Variants in H1-4 observed in about 807,000 individuals in gnomAD.
H1-4 encodes the protein H1.4 linker histone, cluster member.
In H1-4, 9 loss-of-function variants were observed where a neutral mutation model predicts 7.2. The ratio of observed to expected loss-of-function variants is 1.25; its 90% confidence interval spans 0.75 to 2.18. The LOEUF (loss-of-function observed/expected upper bound fraction) is 2.18. Among genes scored for constraint, H1-4 ranks in the 30% most tolerant of loss-of-function variants. H1-4 has a pLI of 0.00. For missense variants in H1-4, 646 were observed against 287.9 expected (o/e 2.24, Z -9.00); for synonymous variants, 318 against 126.6 (o/e 2.51, Z -10.15).
rs1030953348 is a variant in H1-4 at position 26,156,422 on chromosome 6, C to T, written c.32C>T (p.Ala11Val). Residue 11 changes from alanine to valine, a missense_variant, in exon 1 of 1, where the codon GCT (alanine) becomes GTT (valine). By Grantham distance (64) the Ala-to-Val change is moderately conservative. Transcript: ENST00000304218. MSETAPAAPA[A>V]PAPAEKTPVK... The stretch of plus-strand genomic sequence containing the variant: ...GAGACTGCGCCTGCCGCGCCCGCTG[C>T]TCCGGCCCCTGCCGAGAAGACTCCC... 28 of 1,599,976 alleles carry T rather than the reference C, an allele frequency of 1.8e-5. No individual in the cohort carries two copies. Among genetic ancestry groups the T allele is most frequent in the Middle Eastern group, 1.7e-4 (1 of 5,908 alleles).
rs1295202791 is a variant in H1-4, at chr6:26,156,438, G to T, written c.48G>T (p.Glu16Asp). The T allele has an allele frequency of 6.2e-7, 1 of 1,608,686 alleles. No homozygotes were observed. Among genetic ancestry groups the T allele is most frequent in the East Asian group, 2.2e-5 (1 of 44,790 alleles). ...CGCCCGCTGCTCCGGCCCCTGCCGA[G>T]AAGACTCCCGTGAAGAAGAAGGCCC... ...PAAPAAPAPA[E>D]KTPVKKKARK... The change falls in exon 1 of 1, where the codon GAG becomes GAT. Residue 16 changes from glutamate (E) to aspartate (D), a missense_variant. By Grantham distance (45) the Glu-to-Asp change is conservative. Coordinates refer to ENST00000304218, the MANE Select transcript of H1-4 (RefSeq NM_005321.3).
rs369813599 is a variant in H1-4 at position 26,156,656 on chromosome 6, G to C, written c.266G>C (p.Ser89Thr). 1.9e-6 allele frequency: 3 copies of C among 1,614,256 alleles called. No homozygotes were observed. Among genetic ancestry groups the C allele is most frequent in the East Asian group, 4.5e-5 (2 of 44,876 alleles). ...AAGCTGGGTCTCAAGAGCCTGGTGA[G>C]CAAGGGCACCCTGGTGCAGACCAAG... Reference protein sequence around the residue: ...RIKLGLKSLVSKGTLVQTKGT... With the variant: ...RIKLGLKSLVTKGTLVQTKGT... Residue 89 changes from serine to threonine, a missense_variant, in exon 1 of 1, where the codon AGC becomes ACC. Coordinates refer to ENST00000304218, the MANE Select transcript of H1-4 (RefSeq NM_005321.3).
Position 26,156,737 on chromosome 6 carries a change from C to G in H1-4, c.347C>G (p.Ala116Gly), listed in dbSNP as rs537340027. Reference protein sequence around the residue: ...KLNKKAASGEAKPKAKKAGAA... With the variant: ...KLNKKAASGEGKPKAKKAGAA... ...AACAAGAAGGCGGCCTCTGGGGAAG[C>G]CAAGCCTAAGGCTAAAAAGGCAGGC... The change falls in exon 1 of 1, where the codon GCC (alanine) becomes GGC (glycine). Residue 116 changes from alanine to glycine, a missense_variant. By Grantham distance (60) the Ala-to-Gly change is moderately conservative. Transcript: ENST00000304218. 1.9e-6 allele frequency: 3 copies of G among 1,614,008 alleles called. No homozygotes were observed. Among genetic ancestry groups the G allele is most frequent in the African/African-American group, 1.3e-5 (1 of 75,014 alleles).
rs1389478695 is a variant in H1-4 at position 26,156,547 on chromosome 6, G to C, written c.157G>C (p.Glu53Gln). The C allele has an allele frequency of 1.2e-6, 2 of 1,614,012 alleles. No homozygotes were observed. Among genetic ancestry groups the C allele is most frequent in the Non-Finnish European group, 1.7e-6 (2 of 1,180,012 alleles). The change falls in exon 1 of 1, where the codon GAG (glutamate) becomes CAG (glutamine). Residue 53 changes from glutamate to glutamine, a missense_variant. Transcript: ENST00000304218. The stretch of plus-strand genomic sequence containing the variant: ...TACTAAAGCTGTTGCCGCCTCCAAG[G>C]AGCGCAGCGGCGTATCTTTGGCCGC... Reference protein sequence around the residue: ...LITKAVAASKERSGVSLAALK... With the variant: ...LITKAVAASKQRSGVSLAALK...
Position 26,157,067 on chromosome 6 carries a change from A to G in H1-4, c.*17A>G, listed in dbSNP as rs367955399. 6.3e-7 allele frequency: 1 copy of G among 1,576,086 alleles called. No homozygotes were observed. Among genetic ancestry groups the G allele is most frequent in the Non-Finnish European group, 8.5e-7 (1 of 1,169,994 alleles). ...AAAAAGTAGAAAGTTCCTTTGGCCA[A>G]CTGCTTAGAAGCCCAACACAACCCA... On this transcript the variant is annotated 3_prime_UTR_variant, in exon 1 of 1. Coordinates refer to ENST00000304218, the MANE Select transcript of H1-4 (RefSeq NM_005321.3).
Position 26,156,504 on chromosome 6 carries a change from C to T in H1-4, c.114C>T (p.Pro38=), listed in dbSNP as rs200323601. 5.6e-5 allele frequency: 90 copies of T among 1,613,680 alleles called. No homozygotes were observed. The highest frequency in any genetic ancestry group is 7.7e-5 in the South Asian group (7 of 91,084). ...CGGCCAAGCGCAAAGCGTCTGGGCC[C>T]CCGGTGTCCGAGCTCATTACTAAAG... ...AGAAKRKASG[P]PVSELITKAV... is the part of the protein sequence containing the mutation. Residue 38 remains proline, a synonymous_variant, in exon 1 of 1, where the codon CCC becomes CCT. Transcript: ENST00000304218.
chr6:26,156,908 C>T lies in H1-4; in HGVS notation c.518C>T (p.Pro173Leu), dbSNP rs545499106. ...GCTGGAGCCAAAAAAGCGAAAAGCC[C>T]GAAAAAGGCGAAAGCAGCCAAGCCA... ...AAAGAKKAKS[P>L]KKAKAAKPKK... The change falls in exon 1 of 1, where the codon CCG becomes CTG. Residue 173 changes from proline (P) to leucine (L), a missense_variant. Physicochemically the swap from Pro to Leu is moderately conservative, Grantham distance 98 (BLOSUM62 -3). Transcript: ENST00000304218. The T allele has an allele frequency of 6.7e-5, 108 of 1,609,580 alleles. 1 individual carries two copies. The South Asian group carries it at 1.1e-3, about 16-fold the overall frequency.
rs750493363 is a variant in H1-4 at position 26,156,447 on chromosome 6, C to A, written c.57C>A (p.Pro19=). 4.3e-6 allele frequency: 7 copies of A among 1,611,044 alleles called. No homozygotes were observed. In the African/African-American group the frequency reaches 6.7e-5, roughly 15 times the overall value. Residue 19 remains proline (P), a synonymous_variant, in exon 1 of 1, where the codon CCC becomes CCA. Coordinates refer to ENST00000304218, the MANE Select transcript of H1-4 (RefSeq NM_005321.3). ...CTCCGGCCCCTGCCGAGAAGACTCC[C>A]GTGAAGAAGAAGGCCCGCAAGTCTG... The part of the protein sequence containing the change: ...PAAPAPAEKT[P]VKKKARKSAG...
rs760926022 is a variant in H1-4, at chr6:26,156,351, C to T, written c.-40C>T. The stretch of plus-strand genomic sequence containing the variant: ...GCTCGAGTCCCGGCCAGTGCCTCTG[C>T]TTCCGGCTCGAATTGCTCTCGCTCA... On this transcript the variant is annotated 5_prime_UTR_variant, in exon 1 of 1. Transcript: ENST00000304218. The T allele has an allele frequency of 7.9e-6, 12 of 1,511,182 alleles. No individual in the cohort carries two copies. Among genetic ancestry groups the T allele is most frequent in the Admixed American group, 2.1e-5 (1 of 46,536 alleles). The allele number at this position is 1,511,182 out of a possible 1,614,324, so 93.6% of individuals were successfully genotyped here.
Position 26,156,744 on chromosome 6 carries a change from TAAGGCTAAA to T in H1-4, c.360_368del (p.Lys121_Ala123del). On this transcript the variant is annotated inframe_deletion, in exon 1 of 1. Transcript: ENST00000304218. ...AGGCGGCCTCTGGGGAAGCCAAGCC[TAAGGCTAAA>T]AAGGCAGGCGCGGCCAAGGCCAAGA... 6.2e-7 allele frequency: 1 copy of T among 1,613,670 alleles called. No homozygotes were observed. The highest frequency in any genetic ancestry group is 8.5e-7 in the Non-Finnish European group (1 of 1,179,874).
At position 26,157,060 on chromosome 6, in the gene H1-4, T is replaced by C. The variant is rs1346279726; in HGVS notation, c.*10T>C. ...AGCCAAGAAAAAGTAGAAAGTTCCTTTGGCCAACTGCTTAGAAGCCCAACA... is the reference window on the plus strand; with the variant it reads ...AGCCAAGAAAAAGTAGAAAGTTCCTCTGGCCAACTGCTTAGAAGCCCAACA... On this transcript the variant is annotated 3_prime_UTR_variant, in exon 1 of 1. Coordinates refer to ENST00000304218, the MANE Select transcript of H1-4 (RefSeq NM_005321.3). The C allele has an allele frequency of 1.9e-6, 3 of 1,578,256 alleles. No individual in the cohort carries two copies. Among genetic ancestry groups the C allele is most frequent in the East Asian group, 2.2e-5 (1 of 44,788 alleles).
In H1-4 at chr6:26,156,547, G is replaced by A. The variant is rs1389478695; in HGVS notation, c.157G>A (p.Glu53Lys). The A allele has an allele frequency of 1.2e-6, 2 of 1,614,130 alleles. No individual in the cohort carries two copies. Among genetic ancestry groups the A allele is most frequent in the Non-Finnish European group, 1.7e-6 (2 of 1,180,004 alleles). ...TACTAAAGCTGTTGCCGCCTCCAAG[G>A]AGCGCAGCGGCGTATCTTTGGCCGC... ...LITKAVAASK[E>K]RSGVSLAALK... Residue 53 changes from glutamate (E) to lysine (K), a missense_variant, in exon 1 of 1, where the codon GAG (glutamate) becomes AAG (lysine). Glu to Lys is a moderately conservative substitution (Grantham distance 56). Coordinates refer to ENST00000304218, the MANE Select transcript of H1-4 (RefSeq NM_005321.3).
Position 26,157,012 on chromosome 6 carries a change from G to A in H1-4, c.622G>A (p.Ala208Thr), listed in dbSNP as rs1411345078. The A allele has an allele frequency of 3.8e-6, 6 of 1,590,896 alleles. No individual in the cohort carries two copies. The highest frequency in any genetic ancestry group is 1.2e-5 in the South Asian group (1 of 86,868). ...TAAACCAAAGACCGCCAAGCCCAAG[G>A]CAGCCAAGCCAAAGAAGGCGGCAGC... ...AAKPKTAKPK[A>T]AKPKKAAAKK... Residue 208 changes from alanine (A) to threonine (T), a missense_variant, in exon 1 of 1, where the codon GCA (alanine) becomes ACA (threonine). Transcript: ENST00000304218.
chr6:26,156,411 C>CGCGCCCGCT lies in H1-4; in HGVS notation c.24_32dup (p.Ala11_Ala13dup). The CGCGCCCGCT allele has an allele frequency of 6.3e-7, 1 of 1,589,126 alleles. No homozygotes were observed. Among genetic ancestry groups the CGCGCCCGCT allele is most frequent in the Non-Finnish European group, 8.6e-7 (1 of 1,167,346 alleles). The stretch of plus-strand genomic sequence containing the variant: ...TCAACATGTCCGAGACTGCGCCTGC[C>CGCGCCCGCT]GCGCCCGCTGCTCCGGCCCCTGCCG... On this transcript the variant is annotated inframe_insertion, in exon 1 of 1. Transcript: ENST00000304218.
At position 26,156,796 on chromosome 6, in the gene H1-4, A is replaced by C. The variant is rs755564059; in HGVS notation, c.406A>C (p.Lys136Gln). 15 of 1,610,392 alleles carry C rather than the reference A, an allele frequency of 9.3e-6. No homozygotes were observed. The highest frequency in any genetic ancestry group is 1.3e-5 in the Non-Finnish European group (15 of 1,178,354). The change falls in exon 1 of 1, where the codon AAG becomes CAG. Residue 136 changes from lysine (K) to glutamine (Q), a missense_variant. Coordinates refer to ENST00000304218, the MANE Select transcript of H1-4 (RefSeq NM_005321.3). ...GGCCAAGAAGCCAGCAGGAGCGGCG[A>C]AGAAGCCCAAGAAGGCGACGGGGGC... ...AKAKKPAGAA[K>Q]KPKKATGAAT...
In H1-4 at chr6:26,156,447, C is replaced by T. The variant is rs750493363; in HGVS notation, c.57C>T (p.Pro19=). The change falls in exon 1 of 1, where the codon CCC becomes CCT. Residue 19 remains proline (P), a synonymous_variant. Transcript: ENST00000304218. ...CTCCGGCCCCTGCCGAGAAGACTCC[C>T]GTGAAGAAGAAGGCCCGCAAGTCTG... ...PAAPAPAEKT[P]VKKKARKSAG... The T allele has an allele frequency of 1.6e-5, 26 of 1,611,046 alleles. No homozygotes were observed. The East Asian group carries it at 2.0e-4, about 12-fold the overall frequency.
In H1-4 at chr6:26,156,448, G is replaced by A. The variant is rs749801188; in HGVS notation, c.58G>A (p.Val20Met). The stretch of plus-strand genomic sequence containing the variant: ...TCCGGCCCCTGCCGAGAAGACTCCC[G>A]TGAAGAAGAAGGCCCGCAAGTCTGC... ...AAPAPAEKTP[V>M]KKKARKSAGA... The change falls in exon 1 of 1, where the codon GTG (valine) becomes ATG (methionine). Residue 20 changes from valine (V) to methionine (M), a missense_variant. Val to Met is a conservative substitution (Grantham distance 21). Transcript: ENST00000304218. The A allele has an allele frequency of 1.3e-5, 21 of 1,611,132 alleles. No individual in the cohort carries two copies. Among genetic ancestry groups the A allele is most frequent in the Non-Finnish European group, 1.5e-5 (18 of 1,178,906 alleles).
chr6:26,156,609 G>A lies in H1-4; in HGVS notation c.219G>A (p.Val73=), dbSNP rs772592342. ...CGCTGGCAGCCGCTGGCTATGACGTGGAGAAGAACAACAGCCGCATCAAGC... is the reference window on the plus strand; with the variant it reads ...CGCTGGCAGCCGCTGGCTATGACGTAGAGAAGAACAACAGCCGCATCAAGC... The part of the protein sequence containing the change: ...KKALAAAGYD[V]EKNNSRIKLG... Residue 73 remains valine, a synonymous_variant, in exon 1 of 1, where the codon GTG becomes GTA. Transcript: ENST00000304218. 3.1e-6 allele frequency: 5 copies of A among 1,614,256 alleles called. No homozygotes were observed. Among genetic ancestry groups the A allele is most frequent in the South Asian group, 1.1e-5 (1 of 91,092 alleles).
At position 26,156,396 on chromosome 6, in the gene H1-4, C is replaced by A. The variant is rs752502613; in HGVS notation, c.6C>A (p.Ser2=). 1.7e-5 allele frequency: 27 copies of A among 1,579,200 alleles called. No homozygotes were observed. The African/African-American group carries it at 2.7e-4, about 16-fold the overall frequency. The change falls in exon 1 of 1, where the codon TCC becomes TCA. Residue 2 remains serine, a synonymous_variant. Coordinates refer to ENST00000304218, the MANE Select transcript of H1-4 (RefSeq NM_005321.3). The stretch of plus-strand genomic sequence containing the variant: ...CGCTCACGCTTGCCTTCAACATGTC[C>A]GAGACTGCGCCTGCCGCGCCCGCTG... M[S]ETAPAAPAAP...
Sources: gnomAD v4.1 joint callset for allele counts on GRCh38, gnomAD v4.1.1 for gene constraint, MANE v1.5 for transcripts, NCBI Gene and HGNC (gene_info 2026-07-23, HGNC 2026-07-21) for gene names.